Variants in RELN observed in about 807,000 individuals in gnomAD.
RELN encodes reelin.
A neutral mutation model predicts 427.6 loss-of-function variants in RELN; 108 were observed. That is an observed-to-expected ratio of 0.25 (90% CI 0.22 to 0.30). The LOEUF is 0.30. RELN is among the 10% of genes least tolerant of loss of function. RELN has a pLI of 1.00. For missense variants in RELN, 3,715 were observed against 4,302.8 expected, an observed-to-expected ratio of 0.86 and a Z score of 3.82; for synonymous variants, 1,524 against 1,513.4, an observed-to-expected ratio of 1.01 and a Z score of -0.16.
intron 46 of RELN, among the ~76,000 whole-genome samples, chr7:103,534,342 T>C (rs1039623687): frequency 1.3e-5 from 2 of 152,194 alleles, no homozygotes; most frequent in Admixed American, 6.5e-5. Flanking sequence ...GCACCTAGTT[T>C]AGATGGTGAA....
Position 103,617,791 on chromosome 7 carries a change from G to A in RELN, c.2703-5988C>T, listed in dbSNP as rs139891251. ...CTGAAGAGGGGGCCTAATGGGAGAT[G>A]TTTGGGCCATAGCGGTGGATCTTTC... On this transcript the variant is annotated intron_variant, in intron 20 of 64. Coordinates refer to ENST00000428762, the MANE Select transcript of RELN (RefSeq NM_005045.4). Among the ~76,000 whole-genome samples the A allele has an allele frequency of 5.3e-5, 8 of 152,194 alleles. No individual in the cohort carries two copies. The East Asian group carries it at 1.2e-3, about 22-fold the overall frequency.
chr7:103,706,531 A>G (rs144499973), intron 8 of RELN, among the ~76,000 whole-genome samples: 39 of 152,324 alleles, frequency 2.6e-4, no homozygotes, highest in African/African-American at 9.1e-4. Context: ...TCACCCAAGG[A>G]CACCTACTAA....
At chr7:103,947,111 C>A (rs1000661820) in intron 1 of RELN, among the ~76,000 whole-genome samples, 1 of 152,164 alleles carries the variant, frequency 6.6e-6, no homozygotes, top group Non-Finnish European at 1.5e-5. Flanking sequence ...AAAAACTAAA[C>A]AACAGTCATA....
chr7:103,888,201 T>C (rs904121285), intron 2 of RELN, among the ~76,000 whole-genome samples: 1 of 151,302 alleles, frequency 6.6e-6, no homozygotes, highest in Admixed American at 6.6e-5. Context: ...CAAACTGACA[T>C]CTGGACCTGA....
rs1584241032 is a variant in RELN, at chr7:103,503,077, A to C, written c.8428T>G (p.Phe2810Val). 1.2e-6 allele frequency: 2 copies of C among 1,614,064 alleles called. No individual in the cohort carries two copies. The highest frequency in any genetic ancestry group is 8.5e-7 in the Non-Finnish European group (1 of 1,180,040). ...CSGSVSQPSV[F>V]FPTKGWKRIT... The stretch of plus-strand genomic sequence containing the variant: ...CTTTTCCACCCTTTAGTTGGAAAGA[A>C]TACAGATGGCTGAGAAACACTTCCA... Residue 2810 changes from phenylalanine to valine, a missense_variant, in exon 52 of 65, where the codon TTC becomes GTC. By Grantham distance (50) the Phe-to-Val change is conservative. Coordinates refer to ENST00000428762, the MANE Select transcript of RELN (RefSeq NM_005045.4).
At chr7:103,974,148 G>A (rs1221766928) in intron 1 of RELN, among the ~76,000 whole-genome samples, 1 of 146,596 alleles carries the variant, frequency 6.8e-6, no homozygotes, top group Non-Finnish European at 1.5e-5. Context: ...ATCTCAAAAA[G>A]TAAATGAATA....
chr7:103,643,566 C>A (rs1055528606), intron 16 of RELN, among the ~76,000 whole-genome samples: 2 of 151,862 alleles, frequency 1.3e-5, no homozygotes, highest in Non-Finnish European at 2.9e-5. Flanking sequence ...AGCAGCTATT[C>A]ATAGCTAATC....
intron 3 of RELN, among the ~76,000 whole-genome samples, chr7:103,827,564 A>G (rs1793173368): frequency 1.3e-5 from 2 of 152,016 alleles, no homozygotes; most frequent in Admixed American, 6.6e-5. Flanking sequence ...GTGCTGATAC[A>G]TATAAGAACA....
intron 46 of RELN, among the ~76,000 whole-genome samples, chr7:103,527,044 T>A (rs1027527473): frequency 3.1e-4 from 47 of 152,192 alleles, no homozygotes; most frequent in Non-Finnish European, 1.9e-4. Flanking sequence ...TAGATATCCA[T>A]TGCTAAGTAG....
chr7:103,811,036 T>A (rs1377881272), intron 3 of RELN, among the ~76,000 whole-genome samples: 1 of 152,262 alleles, frequency 6.6e-6, no homozygotes, highest in Non-Finnish European at 1.5e-5. Context: ...AAATAAAAAC[T>A]ATTTTGATTT....
At chr7:103,740,518 T>TA (rs1360857436) in intron 6 of RELN, among the ~76,000 whole-genome samples, 1 of 152,222 alleles carries the variant, frequency 6.6e-6, no homozygotes, top group African/African-American at 2.4e-5. Context: ...TGAGTTGACA[T>TA]AAAAAACATT....
At chr7:103,607,344 G>T (rs1446090343) in intron 22 of RELN, among the ~76,000 whole-genome samples, 1 of 152,076 alleles carries the variant, frequency 6.6e-6, no homozygotes, top group Non-Finnish European at 1.5e-5. Flanking sequence ...GTTTTATTGA[G>T]AAAAAAAATT....
At chr7:103,555,525 T>G (rs2711867) in intron 38 of RELN, among the ~76,000 whole-genome samples, 82,846 of 151,994 alleles carry the variant, frequency 0.55, 22,954 homozygotes, top group African/African-American at 0.58. Context: ...CAGGCTGGAG[T>G]GCAGTGTCAT....
In RELN at chr7:103,697,987, C is replaced by T. The variant is rs560655563; in HGVS notation, c.1009G>A (p.Glu337Lys). The T allele has an allele frequency of 1.2e-6, 2 of 1,613,804 alleles. No individual in the cohort carries two copies. Among genetic ancestry groups the T allele is most frequent in the Admixed American group, 1.7e-5 (1 of 59,950 alleles). The change falls in exon 10 of 65, where the codon GAA (glutamate) becomes AAA (lysine). Residue 337 changes from glutamate to lysine, a missense_variant. By Grantham distance (56) the Glu-to-Lys change is moderately conservative (BLOSUM62 1). Around this residue, in one of 4 missense-constraint regions of RELN, gnomAD observed 2,208 missense variants for 2,361.7 expected, o/e 0.93. Transcript: ENST00000428762. ...QWKQENLRVGEVYEACWALDN... is the reference protein window; with the variant it reads ...QWKQENLRVGKVYEACWALDN... ...AAGGCCCAGCAGGCTTCATACACTTCACCTACACGAAGATTTTCCTGCTTC... is the reference window on the plus strand; with the variant it reads ...AAGGCCCAGCAGGCTTCATACACTTTACCTACACGAAGATTTTCCTGCTTC...
At chr7:103,964,518 A>G (rs1264366494) in intron 1 of RELN, among the ~76,000 whole-genome samples, 4 of 152,196 alleles carry the variant, frequency 2.6e-5, no homozygotes, top group Non-Finnish European at 5.9e-5. Flanking sequence ...TGGCTCAGTT[A>G]GGGCACAACT....
chr7:103,611,202 G>T (rs1831946165), intron 21 of RELN, among the ~76,000 whole-genome samples: 1 of 152,050 alleles, frequency 6.6e-6, no homozygotes, highest in African/African-American at 2.4e-5. Context: ...TTTATTCCCA[G>T]ATCTATATAT....
At chr7:103,877,419 C>A (rs767733996) in intron 2 of RELN, among the ~76,000 whole-genome samples, 1 of 152,026 alleles carries the variant, frequency 6.6e-6, no homozygotes, top group Non-Finnish European at 1.5e-5. Context: ...TACTTTTGAC[C>A]CTTGACTCTC....
chr7:103,753,586 C>G (rs922591411), intron 4 of RELN, among the ~76,000 whole-genome samples: 5 of 152,174 alleles, frequency 3.3e-5, no homozygotes, highest in Non-Finnish European at 2.9e-5. Flanking sequence ...TGCATATGAA[C>G]AAGCCAAATC....
intron 64 of RELN, among the ~76,000 whole-genome samples, chr7:103,474,266 T>G (rs776076317): frequency 6.6e-5 from 10 of 152,098 alleles, no homozygotes; most frequent in Admixed American, 3.3e-4. Context: ...CAATAGCATC[T>G]GTGCTAAAAT....
Sources: allele counts gnomAD v4.1 joint callset (sites outside exome capture counted in the v4.1 genomes callset), GRCh38; gene constraint gnomAD v4.1.1; regional missense constraint gnomAD v4.1.1; transcripts MANE v1.5; gene names NCBI Gene and HGNC (gene_info 2026-07-23, HGNC 2026-07-21).